The following FHIT variants were observed in gnomAD, a reference collection of about 807,000 sequenced individuals.
The protein encoded by FHIT is fragile histidine triad diadenosine triphosphatase, also known as bis(5'-adenosyl)-triphosphatase.
FHIT carries 19 observed loss-of-function variants against 17.9 expected under a neutral mutation model. The ratio of observed to expected loss-of-function variants is 1.06; its 90% CI spans 0.74 to 1.56. FHIT has a LOEUF of 1.56. FHIT is among the 40% of genes most tolerant of loss of function. FHIT has a pLI of 0.00. For synonymous variants in FHIT, 81 were observed against 69.7 expected (o/e 1.16, Z -0.81); for missense variants, 248 against 189.2 (o/e 1.31, Z -1.82).
At chr3:60,485,288 C>T (rs1017534024) in intron 5 of FHIT, among the ~76,000 whole-genome samples, 19 of 152,164 alleles carry the variant, frequency 1.2e-4, no homozygotes, top group African/African-American at 4.3e-4. Flanking sequence ...CTTGACCCAG[C>T]AATCCCATTA....
intron 4 of FHIT, among the ~76,000 whole-genome samples, chr3:60,618,262 G>A (rs1249431384): frequency 1.1e-4 from 16 of 152,244 alleles, no homozygotes; most frequent in African/African-American, 3.9e-4. Flanking sequence ...CTCAGGTGCA[G>A]TCCTCCTAGC....
At chr3:61,051,546 GC>G (rs1559942579) in intron 2 of FHIT, among the ~76,000 whole-genome samples, 1 of 152,020 alleles carries the variant, frequency 6.6e-6, no homozygotes, top group Non-Finnish European at 1.5e-5. Context: ...ACCACCCCTG[GC>G]TTCTTGGGTT....
chr3:60,960,502 C>T (rs904331853), intron 3 of FHIT, among the ~76,000 whole-genome samples: 8 of 152,138 alleles, frequency 5.3e-5, no homozygotes, highest in Non-Finnish European at 8.8e-5. Context: ...ATACATGTGC[C>T]ATGTTAGTGT....
At chr3:60,466,382 G>T (rs2032793414) in intron 5 of FHIT, among the ~76,000 whole-genome samples, 1 of 152,018 alleles carries the variant, frequency 6.6e-6, no homozygotes, top group African/African-American at 2.4e-5. Flanking sequence ...TCTCTTGTCT[G>T]ATTTCTCTAG....
chr3:60,106,569 C>A (rs959595581), intron 5 of FHIT, among the ~76,000 whole-genome samples: 1 of 152,184 alleles, frequency 6.6e-6, no homozygotes, highest in South Asian at 2.1e-4. Context: ...CAGGCACCCA[C>A]TGGGGGTCTT....
At chr3:60,542,039 T>C (rs2036202683) in intron 4 of FHIT, among the ~76,000 whole-genome samples, 1 of 152,204 alleles carries the variant, frequency 6.6e-6, no homozygotes, top group Non-Finnish European at 1.5e-5. Flanking sequence ...TTATTCAGAA[T>C]CCTCTTTACA....
intron 7 of FHIT, among the ~76,000 whole-genome samples, chr3:59,940,845 TG>T: frequency 6.6e-6 from 1 of 152,226 alleles, no homozygotes; most frequent in Middle Eastern, 3.2e-3. Flanking sequence ...AAATGTAAGC[TG>T]CTCTTCTAGT....
At chr3:60,935,315 G>A (rs1222389969) in intron 3 of FHIT, among the ~76,000 whole-genome samples, 1 of 152,236 alleles carries the variant, frequency 6.6e-6, no homozygotes, top group African/African-American at 2.4e-5. Context: ...TAACACTAGA[G>A]AAATAACAAT....
intron 4 of FHIT, among the ~76,000 whole-genome samples, chr3:60,651,541 C>CTT (rs11328354): frequency 6.8e-6 from 1 of 148,142 alleles, no homozygotes; most frequent in African/African-American, 2.5e-5. Flanking sequence ...TAGATCCAAT[C>CTT]TTTTTTTTTT....
At chr3:61,046,944 C>T (rs868094326) in intron 2 of FHIT, among the ~76,000 whole-genome samples, 2 of 152,122 alleles carry the variant, frequency 1.3e-5, no homozygotes, top group African/African-American at 4.8e-5. Flanking sequence ...ATTTGACAGG[C>T]CTTCATGCTA....
At chr3:60,307,265 AG>A (rs1418909802) in intron 5 of FHIT, among the ~76,000 whole-genome samples, 2 of 152,200 alleles carry the variant, frequency 1.3e-5, no homozygotes, top group Non-Finnish European at 2.9e-5. Flanking sequence ...CAGAAAAGTC[AG>A]TAAATTCGCC....
intron 4 of FHIT, among the ~76,000 whole-genome samples, chr3:60,763,439 G>T (rs1699733671): frequency 6.6e-6 from 1 of 152,162 alleles, no homozygotes; most frequent in African/African-American, 2.4e-5. Flanking sequence ...AGCATTTATT[G>T]AGTTATTATA....
rs563684751 is a variant in FHIT at position 60,578,290 on chromosome 3, A to C, written c.-17-41311T>G. Among the ~76,000 whole-genome samples, 985 of 152,126 alleles carry C rather than the reference A, an allele frequency of 6.5e-3. 8 individuals are homozygous for C. Among genetic ancestry groups the C allele is most frequent in the South Asian group, 0.017 (81 of 4,810 alleles). On this transcript the variant is annotated intron_variant, in intron 4 of 9. Coordinates refer to ENST00000492590, the MANE Select transcript of FHIT (RefSeq NM_002012.4). ...TGTCTCTACTAAAAATACAAAAATT[A>C]GCTGAGTATGGTGGTGTGCACTTGT...
At chr3:61,029,125 C>A (rs547884060) in intron 3 of FHIT, among the ~76,000 whole-genome samples, 1 of 152,076 alleles carries the variant, frequency 6.6e-6, no homozygotes, top group Non-Finnish European at 1.5e-5. Context: ...CTGACAGGTA[C>A]TGTAAATTGT....
At chr3:60,420,723 A>C (rs1433063053) in intron 5 of FHIT, among the ~76,000 whole-genome samples, 1 of 152,166 alleles carries the variant, frequency 6.6e-6, no homozygotes, top group African/African-American at 2.4e-5. Context: ...AAAAACTTGC[A>C]TGGAGTGTCT....
At chr3:61,050,804 T>C (rs893024198) in intron 2 of FHIT, among the ~76,000 whole-genome samples, 1 of 152,208 alleles carries the variant, frequency 6.6e-6, no homozygotes, top group Non-Finnish European at 1.5e-5. Context: ...AGGCACAAGA[T>C]AGGAGTCAGA....
intron 4 of FHIT, among the ~76,000 whole-genome samples, chr3:60,726,029 T>G (rs1397474613): frequency 6.6e-6 from 1 of 152,168 alleles, no homozygotes; most frequent in East Asian, 1.9e-4. Flanking sequence ...TCAAGTAATG[T>G]CGGATAGCAA....
chr3:59,751,955 G>A (rs755055186), intron 9 of FHIT: 45 of 388,950 alleles, frequency 1.2e-4, no homozygotes, highest in African/African-American at 5.6e-4. Context: ...GAGCACCACC[G>A]CAGGAAAGAC....
chr3:60,992,488 C>A (rs55712839), intron 3 of FHIT, among the ~76,000 whole-genome samples: 4 of 152,072 alleles, frequency 2.6e-5, no homozygotes, highest in Non-Finnish European at 5.9e-5. Context: ...AAACGATGAC[C>A]TCAGGACTAC....
Sources: gnomAD v4.1 joint callset for allele counts (sites outside exome capture counted in the v4.1 genomes callset) on GRCh38, gnomAD v4.1.1 for gene constraint, MANE v1.5 for transcripts, NCBI Gene and HGNC (gene_info 2026-07-23, HGNC 2026-07-21) for gene names.